Variants in WDR17 observed in about 807,000 individuals in gnomAD.
The protein encoded by WDR17 is WD repeat-containing protein 17.
Under a neutral mutation model 161.7 loss-of-function variants are expected in WDR17, and 143 were observed. That is an observed-to-expected ratio of 0.88 (90% CI 0.77 to 1.02). The LOEUF (loss-of-function observed/expected upper bound fraction) is 1.02. Among genes scored for constraint, WDR17 ranks in the 50% least tolerant of loss-of-function variants. The probability of loss-of-function intolerance (pLI) is 0.00; values close to 1 mark genes in which losing one functional copy is unlikely to be tolerated. For missense variants in WDR17, 1,469 were observed against 1,520.9 expected, an observed-to-expected ratio of 0.97 and a Z score of 0.57; for synonymous variants, 517 against 515.6, an observed-to-expected ratio of 1.00 and a Z score of -0.04.
chr4:176,085,029 G>A (rs768424383), intron 1 of WDR17, among the ~76,000 whole-genome samples: 1 of 151,464 alleles, frequency 6.6e-6, no homozygotes, highest in African/African-American at 2.4e-5. Flanking sequence ...ATAACATTAG[G>A]CTTGTTCATA....
chr4:176,071,802 A>G (rs1733285641), intron 1 of WDR17, among the ~76,000 whole-genome samples: 1 of 152,256 alleles, frequency 6.6e-6, no homozygotes, highest in South Asian at 2.1e-4. Flanking sequence ...ATTCAAATCC[A>G]TATAATTTTC....
Position 176,137,577 on chromosome 4 carries a change from T to C in WDR17, c.1325T>C (p.Val442Ala), listed in dbSNP as rs1281442844. 4 of 1,598,038 alleles carry C rather than the reference T, an allele frequency of 2.5e-6. No individual in the cohort carries two copies. Among genetic ancestry groups the C allele is most frequent in the African/African-American group, 2.7e-5 (2 of 74,658 alleles). ...CGAAATGGTGCTTTTATTTGGAATG[T>C]TCAAAAGGGCAAAATTATACAACGA... ...TSRNGAFIWN[V>A]QKGKIIQRFN... Residue 442 changes from valine to alanine, a missense_variant, in exon 9 of 29, where the codon GTT becomes GCT. By Grantham distance (64) the Val-to-Ala change is moderately conservative. Transcript: ENST00000508596.
chr4:176,163,897 C>A (rs770432869), intron 22 of WDR17, among the ~76,000 whole-genome samples: 21 of 152,186 alleles, frequency 1.4e-4, no homozygotes, highest in African/African-American at 5.1e-4. Context: ...GGGATTCCGT[C>A]ATTCCTTAGA....
rs117463279 is a variant in WDR17, at chr4:176,133,875, G to A, written c.1099-1233G>A. Among the ~76,000 whole-genome samples the A allele has an allele frequency of 3.3e-4, 50 of 151,496 alleles. No individual in the cohort carries two copies. In the East Asian group the frequency reaches 7.7e-3, roughly 23 times the overall value. On this transcript the variant is annotated intron_variant, in intron 7 of 28. Coordinates refer to ENST00000508596, the MANE Select transcript of WDR17 (RefSeq NM_181265.4). The stretch of plus-strand genomic sequence containing the variant: ...AGAAAAATGCCACAAAATTTTCCTC[G>A]TCTTACTCACCTTCCTTTTGGTAAG...
chr4:176,136,192 T>G (rs1744371971), intron 8 of WDR17, among the ~76,000 whole-genome samples: 1 of 151,584 alleles, frequency 6.6e-6, no homozygotes, highest in Non-Finnish European at 1.5e-5. Context: ...TCTCCTACAA[T>G]GAGGAGAATT....
At chr4:176,085,494 T>C (rs1735310951) in intron 1 of WDR17, among the ~76,000 whole-genome samples, 1 of 152,164 alleles carries the variant, frequency 6.6e-6, no homozygotes, top group Non-Finnish European at 1.5e-5. Context: ...ATATTCAGGC[T>C]AAACAGATTT....
chr4:176,177,378 G>A, intron 27 of WDR17, 93 bp from the exon 28 acceptor site: 1 of 1,222,962 alleles, frequency 8.2e-7, no homozygotes, highest in Non-Finnish European at 1.1e-6. Context: ...CAATAAAGGG[G>A]AACTAAATAA....
intron 11 of WDR17, 136 bp from the exon 12 acceptor site, chr4:176,145,859 C>A: frequency 1.5e-6 from 1 of 666,790 alleles, no homozygotes; most frequent in Non-Finnish European, 2.4e-6. Context: ...CGATTTTTTA[C>A]ATATGTAAGT....
intron 1 of WDR17, among the ~76,000 whole-genome samples, chr4:176,085,285 A>G (rs905212927): frequency 2.0e-5 from 3 of 152,062 alleles, no homozygotes; most frequent in African/African-American, 7.2e-5. Flanking sequence ...TATGAGAGAC[A>G]TTGCTGTGTA....
intron 1 of WDR17, among the ~76,000 whole-genome samples, chr4:176,076,011 C>G (rs1264830827): frequency 1.3e-5 from 2 of 151,680 alleles, no homozygotes; most frequent in African/African-American, 4.8e-5. Context: ...AATAGTTCTT[C>G]AGTTTAATAA....
intron 1 of WDR17, among the ~76,000 whole-genome samples, chr4:176,106,831 G>A (rs1374574836): frequency 6.6e-6 from 1 of 152,034 alleles, no homozygotes; most frequent in South Asian, 2.1e-4. Context: ...CATGCCTATA[G>A]GCCTAGCTAC....
Position 176,115,728 on chromosome 4 carries a change from G to A in WDR17, c.124-68G>A, listed in dbSNP as rs977536747. The A allele has an allele frequency of 2.5e-6, 3 of 1,220,558 alleles. No individual in the cohort carries two copies. In the African/African-American group the frequency reaches 4.7e-5, roughly 19 times the overall value. 75.6% of individuals were successfully genotyped at this position (1,220,558 alleles called of 1,614,324 possible). ...GTATGTAGCTTTAGTTTTGTGTAAT[G>A]TGAATATTAACAGTGTATTATCTTA... On this transcript the variant is annotated intron_variant, in intron 2 of 28. Transcript: ENST00000508596.
rs1390272544 is a variant in WDR17, at chr4:176,177,542, G to C, written c.3620G>C (p.Arg1207Thr). The C allele has an allele frequency of 6.2e-7, 1 of 1,600,858 alleles. No individual in the cohort carries two copies. The highest frequency in any genetic ancestry group is 8.5e-7 in the Non-Finnish European group (1 of 1,176,720). ...ATGATTTATGCAACTTTATTAAAGA[G>C]ACTAAAAGAAGAGTCACTGAAAGGA... ...QRMIYATLLK[R>T]LKEESLKGII... Residue 1207 changes from arginine to threonine, a missense_variant, in exon 28 of 29, where the codon AGA (arginine) becomes ACA (threonine). Arg to Thr is a moderately conservative substitution (Grantham distance 71). Coordinates refer to ENST00000508596, the MANE Select transcript of WDR17 (RefSeq NM_181265.4).
At chr4:176,138,929 A>G (rs1183368057) in intron 9 of WDR17, among the ~76,000 whole-genome samples, 2 of 151,898 alleles carry the variant, frequency 1.3e-5, no homozygotes, top group African/African-American at 4.8e-5. Context: ...AAAAAGAATT[A>G]TGGGATAGTA....
In WDR17 at chr4:176,160,053, T is replaced by C. The variant is rs1441712344; in HGVS notation, c.2585T>C (p.Ile862Thr). Reference sequence around the variant, plus strand: ...GATGTCATTCCATACTGCATAGCCATTGGTGATGTGAAAAAGCTAGTCCAT... The same window carrying C: ...GATGTCATTCCATACTGCATAGCCACTGGTGATGTGAAAAAGCTAGTCCAT... ...KDDVIPYCIA[I>T]GDVKKLVHFF... Residue 862 changes from isoleucine to threonine, a missense_variant, in exon 19 of 29, where the codon ATT becomes ACT. Ile to Thr is a moderately conservative substitution (Grantham distance 89, BLOSUM62 -1). Transcript: ENST00000508596. 38 of 1,613,618 alleles carry C rather than the reference T, an allele frequency of 2.4e-5. No individual in the cohort carries two copies. Among genetic ancestry groups the C allele is most frequent in the Non-Finnish European group, 3.2e-5 (38 of 1,179,744 alleles).
chr4:176,129,070 T>A (rs983117400), intron 6 of WDR17, among the ~76,000 whole-genome samples: 2 of 152,098 alleles, frequency 1.3e-5, no homozygotes, highest in African/African-American at 4.8e-5. Flanking sequence ...GTTACATTTT[T>A]TAATGCTACT....
At chr4:176,080,747 A>G (rs1734639160) in intron 1 of WDR17, among the ~76,000 whole-genome samples, 1 of 152,044 alleles carries the variant, frequency 6.6e-6, no homozygotes, top group Non-Finnish European at 1.5e-5. Flanking sequence ...CTCCTTTGAC[A>G]TTTAACATAT....
At chr4:176,104,570 T>G (rs1738379146) in intron 1 of WDR17, among the ~76,000 whole-genome samples, 1 of 152,050 alleles carries the variant, frequency 6.6e-6, no homozygotes, top group Non-Finnish European at 1.5e-5. Context: ...TATAAAGATG[T>G]AATTTTTTGA....
At position 176,179,466 on chromosome 4, in the gene WDR17, G is replaced by C. The variant is rs147630778; in HGVS notation, c.3739G>C (p.Val1247Leu). 413 of 1,598,738 alleles carry C rather than the reference G, an allele frequency of 2.6e-4. No individual in the cohort carries two copies. The highest frequency in any genetic ancestry group is 3.4e-4 in the Non-Finnish European group (399 of 1,171,690). ...CLTGLKIQGP[V>L]FFLEDGKSAI... ...CTCAACTCTCACTGTGCAGGGCCCT[G>C]TGTTTTTCCTTGAAGACGGGAAATC... Residue 1247 changes from valine to leucine, a missense_variant, in exon 29 of 29, where the codon GTG becomes CTG. Coordinates refer to ENST00000508596, the MANE Select transcript of WDR17 (RefSeq NM_181265.4).
Sources: gnomAD v4.1 joint callset for allele counts (sites outside exome capture counted in the v4.1 genomes callset) on GRCh38, gnomAD v4.1.1 for gene constraint, MANE v1.5 for transcripts, NCBI Gene and HGNC (gene_info 2026-07-23, HGNC 2026-07-21) for gene names.